Variants in PPP2R2B observed in about 807,000 individuals in gnomAD.
PPP2R2B encodes the protein serine/threonine-protein phosphatase 2A 55 kDa regulatory subunit B beta isoform.
In PPP2R2B, 5 loss-of-function variants were observed where a neutral mutation model predicts 46.0. The ratio of observed to expected loss-of-function variants is 0.11; its 90% CI spans 0.06 to 0.23. The LOEUF is 0.23. PPP2R2B is among the 10% of genes least tolerant of loss of function. The pLI is 1.00. For synonymous variants in PPP2R2B, 215 were observed against 206.7 expected (o/e 1.04, Z -0.34); for missense variants, 367 against 575.0 (o/e 0.64, Z 3.70).
chr5:146,877,151 T>C (rs1761941871), intron 2 of PPP2R2B, among the ~76,000 whole-genome samples: 1 of 152,134 alleles, frequency 6.6e-6, no homozygotes, highest in Admixed American at 6.5e-5. Context: ...AAAATGCCTC[T>C]ACTCTCTATT....
exon 1 of PPP2R2B, chr5:147,055,966 G>A (rs1194953415): frequency 2.9e-6 from 4 of 1,377,292 alleles, no homozygotes; most frequent in Non-Finnish European, 3.8e-6. Context: ...AAACTCAGAA[G>A]CCCCCAAGCA....
intron 1 of PPP2R2B, among the ~76,000 whole-genome samples, chr5:147,039,759 A>C (rs1169157038): frequency 6.6e-6 from 1 of 152,156 alleles, no homozygotes; most frequent in East Asian, 1.9e-4. Flanking sequence ...AATGCTTGCC[A>C]TGATTAATCA....
chr5:146,703,923 C>G (rs1779686359), intron 2 of PPP2R2B, among the ~76,000 whole-genome samples: 1 of 152,214 alleles, frequency 6.6e-6, no homozygotes, highest in Admixed American at 6.5e-5. Context: ...TTCCTTAGCC[C>G]TCTTGCAGAG....
intron 1 of PPP2R2B, among the ~76,000 whole-genome samples, chr5:147,031,420 T>C (rs1452310894): frequency 6.6e-6 from 1 of 152,148 alleles, no homozygotes; most frequent in Non-Finnish European, 1.5e-5. Context: ...TGTTTCTCTC[T>C]ATTTTTAAGA....
At chr5:146,672,801 C>G (rs928588618) in intron 5 of PPP2R2B, among the ~76,000 whole-genome samples, 1 of 152,196 alleles carries the variant, frequency 6.6e-6, no homozygotes, top group Non-Finnish European at 1.5e-5. Context: ...TCACAACTCT[C>G]TCCGACGATT....
At chr5:147,053,631 G>C (rs1375179176) in intron 1 of PPP2R2B, among the ~76,000 whole-genome samples, 1 of 151,742 alleles carries the variant, frequency 6.6e-6, no homozygotes, top group Non-Finnish European at 1.5e-5. Context: ...AGTGTAACCA[G>C]TTTCTGGTGG....
rs151147283 is a variant in PPP2R2B, at chr5:147,030,357, C to A, written c.79+25308G>T. Among the ~76,000 whole-genome samples the A allele has an allele frequency of 2.2e-4, 34 of 152,198 alleles. No homozygotes were observed. In the East Asian group the frequency reaches 6.4e-3, roughly 29 times the overall value. The stretch of plus-strand genomic sequence containing the variant: ...GTATCTAAACACCTTGCAAAATCAC[C>A]TGTTGATTCTAATAGTTTGCCTATA... On this transcript the variant is annotated intron_variant, in intron 1 of 8. Coordinates refer to the PPP2R2B transcript ENST00000336640.
chr5:146,973,282 C>T (rs1401196128), intron 1 of PPP2R2B, among the ~76,000 whole-genome samples: 3 of 152,138 alleles, frequency 2.0e-5, no homozygotes, highest in African/African-American at 7.2e-5. Flanking sequence ...GGCTTCAGCC[C>T]TGGACAATTT....
chr5:146,628,822 A>C (rs322487), intron 7 of PPP2R2B, among the ~76,000 whole-genome samples: 32,330 of 151,898 alleles, frequency 0.21, 5,039 homozygotes, highest in African/African-American at 0.44. Flanking sequence ...TGATCACTTC[A>C]CCCCTCTCAT....
chr5:146,723,416 G>A (rs1751651974), intron 2 of PPP2R2B, among the ~76,000 whole-genome samples: 1 of 152,098 alleles, frequency 6.6e-6, no homozygotes, highest in Non-Finnish European at 1.5e-5. Flanking sequence ...ATAATCTCTG[G>A]GCGAGGGAGA....
chr5:146,735,311 C>G (rs1438891631), intron 2 of PPP2R2B, among the ~76,000 whole-genome samples: 1 of 151,972 alleles, frequency 6.6e-6, no homozygotes, highest in Non-Finnish European at 1.5e-5. Flanking sequence ...AGCAAACAGT[C>G]CCCTCCCACC....
intron 1 of PPP2R2B, among the ~76,000 whole-genome samples, chr5:147,026,027 G>A (rs150585299): frequency 7.9e-5 from 12 of 152,162 alleles, no homozygotes; most frequent in African/African-American, 2.6e-4. Flanking sequence ...ATACATTGCT[G>A]GTGAGAATGT....
chr5:146,983,474 C>T (rs555811217), intron 1 of PPP2R2B, among the ~76,000 whole-genome samples: 9 of 152,236 alleles, frequency 5.9e-5, no homozygotes, highest in African/African-American at 2.2e-4. Flanking sequence ...GCCACTGCAC[C>T]CGGCCCAGAG....
intron 1 of PPP2R2B, among the ~76,000 whole-genome samples, chr5:146,921,224 A>C (rs904244399): frequency 2.0e-5 from 3 of 152,230 alleles, no homozygotes; most frequent in Admixed American, 6.5e-5. Context: ...TGTCTTATTA[A>C]TGTTCACATA....
At chr5:146,713,872 A>C (rs1160043178) in intron 2 of PPP2R2B, among the ~76,000 whole-genome samples, 1 of 152,176 alleles carries the variant, frequency 6.6e-6, no homozygotes, top group African/African-American at 2.4e-5. Context: ...TGAGAGGTTT[A>C]TAAGTACAGA....
At chr5:146,855,290 A>G (rs1760589702) in intron 2 of PPP2R2B, among the ~76,000 whole-genome samples, 1 of 152,190 alleles carries the variant, frequency 6.6e-6, no homozygotes, top group South Asian at 2.1e-4. Context: ...CACATCACCA[A>G]CACTATTTAA....
intron 6 of PPP2R2B, among the ~76,000 whole-genome samples, chr5:146,647,735 G>T (rs1020492610): frequency 1.3e-5 from 2 of 152,276 alleles, no homozygotes; most frequent in Non-Finnish European, 2.9e-5. Flanking sequence ...ACCTAGACTG[G>T]GGAAGCAGAA....
intron 1 of PPP2R2B, among the ~76,000 whole-genome samples, chr5:146,890,137 C>G (rs1314797036): frequency 6.6e-6 from 1 of 152,202 alleles, no homozygotes; most frequent in East Asian, 1.9e-4. Flanking sequence ...CTTAACTCTC[C>G]AGTATGTTAA....
intron 1 of PPP2R2B, among the ~76,000 whole-genome samples, chr5:146,932,474 GC>G (rs1465658355): frequency 6.6e-6 from 1 of 152,066 alleles, no homozygotes; most frequent in Admixed American, 6.6e-5. Context: ...TTTAAAAGGA[GC>G]TTTTCCCCTT....
Sources: gnomAD v4.1 joint callset for allele counts (sites outside exome capture counted in the v4.1 genomes callset) on GRCh38, gnomAD v4.1.1 for gene constraint, MANE v1.5 for transcripts, NCBI Gene and HGNC (gene_info 2026-07-23, HGNC 2026-07-21) for gene names.